TBL3: variants seen among roughly 807,000 people sequenced by gnomAD.
The protein encoded by TBL3 is transducin beta-like protein 3.
TBL3 carries 71 observed loss-of-function variants against 102.7 expected under a neutral mutation model. That is an observed-to-expected ratio of 0.69 (90% CI 0.57 to 0.84). The LOEUF is 0.84. TBL3 is among the 40% of genes least tolerant of loss of function. The probability of loss-of-function intolerance (pLI) is 0.00; values close to 1 mark genes in which losing one functional copy is unlikely to be tolerated. For synonymous variants in TBL3, 578 were observed against 477.7 expected (o/e 1.21, Z -2.74); for missense variants, 1,188 against 1,098.5 (o/e 1.08, Z -1.15).
rs2238411 is a variant in TBL3 at position 1,982,819 on chromosome 16, C to T, written c.*4134C>T. On this transcript the variant is annotated 3_prime_UTR_variant, in exon 22 of 22. Coordinates refer to ENST00000568546, the MANE Select transcript of TBL3 (RefSeq NM_006453.3). ...GTGTGCCTGTAGTCTACTTGGGAGGCTGAGGTGGGAGATCACTTGAGCCTA... is the reference window on the plus strand; with the variant it reads ...GTGTGCCTGTAGTCTACTTGGGAGGTTGAGGTGGGAGATCACTTGAGCCTA... The T allele has an allele frequency of 0.21, 31,847 of 151,644 alleles. 5,396 individuals are homozygous for T. The highest frequency in any genetic ancestry group is 0.46 in the African/African-American group (19,014 of 41,198). The allele number at this position is 151,644 out of a possible 1,614,324, so 9.4% of individuals were successfully genotyped here.
In TBL3 at chr16:1,976,194, C is replaced by T. The variant is rs2083400388; in HGVS notation, c.1189-17C>T. ...AGGCCCATGGACCAGCCTCTCTCCT[C>T]AACTCCCTGTCCCCAGGATCAGAGC... is the stretch of plus-strand genomic sequence containing the variant. On this transcript the variant is annotated splice_polypyrimidine_tract_variant and intron_variant, in intron 12 of 21. Transcript: ENST00000568546. 1.9e-6 allele frequency: 3 copies of T among 1,614,128 alleles called. No homozygotes were observed. Among genetic ancestry groups the T allele is most frequent in the Non-Finnish European group, 2.5e-6 (3 of 1,180,008 alleles).
chr16:1,980,785 G>A lies in TBL3; in HGVS notation c.*2100G>A, dbSNP rs943394437. 4.7e-5 allele frequency: 72 copies of A among 1,538,432 alleles called. No individual in the cohort carries two copies. Among genetic ancestry groups the A allele is most frequent in the Non-Finnish European group, 5.8e-5 (66 of 1,130,388 alleles). On this transcript the variant is annotated 3_prime_UTR_variant, in exon 22 of 22. Transcript: ENST00000568546. The stretch of plus-strand genomic sequence containing the variant: ...TCCAGAGCCCACTGTGCACCCTTGA[G>A]AGGGCGGGGTCCCTCACCCGGATGG...
rs2083365047 is a variant in TBL3, at chr16:1,972,091, G to A, written c.-74G>A. On this transcript the variant is annotated 5_prime_UTR_variant, in exon 1 of 22. The change creates a new upstream start codon in the 5' untranslated region. Coordinates refer to ENST00000568546, the MANE Select transcript of TBL3 (RefSeq NM_006453.3). ...AGTGTGGCGTTCTGTGAAGAGTTCG[G>A]TGCTAACCTCCCTCACGCGGCGGTG... The A allele has an allele frequency of 1.4e-6, 2 of 1,443,638 alleles. No individual in the cohort carries two copies. The highest frequency in any genetic ancestry group is 1.8e-4 in the Middle Eastern group (1 of 5,620). The allele number at this position is 1,443,638 out of a possible 1,614,324, so 89.4% of individuals were successfully genotyped here. A position where few individuals can be genotyped will look rare whatever the true frequency, so the allele number is the denominator to read the frequency against.
chr16:1,973,695 G>C (rs1461715711), intron 1 of TBL3, among the ~76,000 whole-genome samples: 1 of 152,152 alleles, frequency 6.6e-6, no homozygotes, highest in Admixed American at 6.5e-5. Context: ...GATGTGCTCT[G>C]GGCTGGCTAC....
chr16:1,976,676 G>A (rs2083404322), intron 13 of TBL3, 138 bp from the exon 14 acceptor site: 1 of 968,040 alleles, frequency 1.0e-6, no homozygotes, highest in Non-Finnish European at 1.5e-6. Context: ...AGGTGCCTGG[G>A]GGTGACCCAG....
Position 1,977,338 on chromosome 16 carries a change from C to T in TBL3, c.1672-18C>T, listed in dbSNP as rs2083411354. 1 of 1,613,514 alleles carries T rather than the reference C, an allele frequency of 6.2e-7. No homozygotes were observed. The highest frequency in any genetic ancestry group is 8.5e-7 in the Non-Finnish European group (1 of 1,179,988). ...TCCCGCCCTGGTGACATCTCATGCC[C>T]TACCCCCCACCTTGCAGACATTTGA... On this transcript the variant is annotated intron_variant, in intron 15 of 21. Coordinates refer to ENST00000568546, the MANE Select transcript of TBL3 (RefSeq NM_006453.3).
Position 1,975,043 on chromosome 16 carries a change from C to T in TBL3, c.580C>T (p.His194Tyr). The change falls in exon 7 of 22, where the codon CAC becomes TAC. Residue 194 changes from histidine (H) to tyrosine (Y), a missense_variant. By Grantham distance (83) the His-to-Tyr change is moderately conservative. Transcript: ENST00000568546. Reference sequence around the variant, plus strand: ...GTCATGCCTGGCTGTGCTGACTGCCCACTACAGCGCCGTCACCTCACTGGC... The same window carrying T: ...GTCATGCCTGGCTGTGCTGACTGCCTACTACAGCGCCGTCACCTCACTGGC... ...DRSCLAVLTAHYSAVTSLAFS... is the reference protein window; with the variant it reads ...DRSCLAVLTAYYSAVTSLAFS... 6.2e-7 allele frequency: 1 copy of T among 1,607,616 alleles called. No homozygotes were observed. The highest frequency in any genetic ancestry group is 8.5e-7 in the Non-Finnish European group (1 of 1,179,992).
In TBL3 at chr16:1,982,030, A is replaced by C. The variant is rs1426204143; in HGVS notation, c.*3345A>C. The C allele has an allele frequency of 6.6e-6, 1 of 152,024 alleles. No homozygotes were observed. The highest frequency in any genetic ancestry group is 1.5e-5 in the Non-Finnish European group (1 of 67,984). 9.4% of individuals were successfully genotyped at this position (152,024 alleles called of 1,614,324 possible). ...ACATGGCCTGGGCAGAGGCTCGCCC[A>C]GGTGCCCCACCTCTCTGGCTGCTTC... On this transcript the variant is annotated 3_prime_UTR_variant, in exon 22 of 22. Coordinates refer to ENST00000568546, the MANE Select transcript of TBL3 (RefSeq NM_006453.3).
chr16:1,980,092 C>T lies in TBL3; in HGVS notation c.*1407C>T. The T allele has an allele frequency of 1.2e-6, 2 of 1,607,318 alleles. No individual in the cohort carries two copies. Among genetic ancestry groups the T allele is most frequent in the Non-Finnish European group, 1.7e-6 (2 of 1,178,534 alleles). On this transcript the variant is annotated 3_prime_UTR_variant, in exon 22 of 22. Coordinates refer to ENST00000568546, the MANE Select transcript of TBL3 (RefSeq NM_006453.3). ...CTGGGTACAGAAGGGCTGCAGGCAG[C>T]GCAGGCTCTGAGCCTCCAGACTGTG...
In TBL3 at chr16:1,974,935, G is replaced by A. The variant is rs780361638; in HGVS notation, c.472G>A (p.Ala158Thr). 1.4e-5 allele frequency: 23 copies of A among 1,611,462 alleles called. No individual in the cohort carries two copies. Among genetic ancestry groups the A allele is most frequent in the South Asian group, 6.6e-5 (6 of 91,062 alleles). The change falls in exon 7 of 22, where the codon GCC becomes ACC. Residue 158 changes from alanine to threonine, a missense_variant. Coordinates refer to ENST00000568546, the MANE Select transcript of TBL3 (RefSeq NM_006453.3). ...RGSPGVVHLV[A>T]FHPDPTRLLL... ...TGTCCCGTCCGCCCACAGCCTAGTGGCCTTCCACCCGGACCCTACACGCCT... is the reference window on the plus strand; with the variant it reads ...TGTCCCGTCCGCCCACAGCCTAGTGACCTTCCACCCGGACCCTACACGCCT...
At chr16:1,977,715 C>A (rs770214333) in intron 17 of TBL3, 27 bp from the exon 18 acceptor site, 1 of 1,551,962 alleles carries the variant, frequency 6.4e-7, no homozygotes, top group Non-Finnish European at 8.7e-7. Flanking sequence ...GGAGTGGAGG[C>A]CCCATCTGAC....
At position 1,976,939 on chromosome 16, in the gene TBL3, C is replaced by G; in HGVS notation, c.1418C>G (p.Thr473Ser). 1 of 1,613,962 alleles carries G rather than the reference C, an allele frequency of 6.2e-7. No homozygotes were observed. Among genetic ancestry groups the G allele is most frequent in the East Asian group, 2.2e-5 (1 of 44,890 alleles). The change falls in exon 14 of 22, where the codon ACC becomes AGC. Residue 473 changes from threonine to serine, a missense_variant. By Grantham distance (58) the Thr-to-Ser change is moderately conservative (BLOSUM62 1). Transcript: ENST00000568546. ...GGCCCTATCCTCCTGCAGGCCCAGA[C>G]CACTCAGCGCTGCCATGATAAGGTG... ...DNGPILLQAQ[T>S]TQRCHDKDIN...
rs2083419028 is a variant in TBL3, at chr16:1,978,047, T to A, written c.2048T>A (p.Leu683Gln). ...TCCCTGGATCGGCCCCACACCGTGC[T>A]GACTGTCATCCAGGGTCAGTGCCCA... ...AISLDRPHTV[L>Q]TVIQAIRRDP... The change falls in exon 19 of 22, where the codon CTG (leucine) becomes CAG (glutamine). Residue 683 changes from leucine (L) to glutamine (Q), a missense_variant. Physicochemically the swap from Leu to Gln is moderately radical, Grantham distance 113. Coordinates refer to ENST00000568546, the MANE Select transcript of TBL3 (RefSeq NM_006453.3). The A allele has an allele frequency of 6.2e-7, 1 of 1,605,358 alleles. No homozygotes were observed. Among genetic ancestry groups the A allele is most frequent in the Non-Finnish European group, 8.5e-7 (1 of 1,175,558 alleles).
At position 1,980,442 on chromosome 16, in the gene TBL3, A is replaced by ACG. The variant is rs762424192; in HGVS notation, c.*1761_*1762dup. On this transcript the variant is annotated 3_prime_UTR_variant, in exon 22 of 22. Transcript: ENST00000568546. ...GCCAGTGATCGTCGGGCTCCGTGCC[A>ACG]CGCGCTCTGCAGTCGCCAGCAGCCT... 6 of 1,602,162 alleles carry ACG rather than the reference A, an allele frequency of 3.7e-6. No homozygotes were observed. Among genetic ancestry groups the ACG allele is most frequent in the Non-Finnish European group, 5.1e-6 (6 of 1,179,852 alleles).
chr16:1,972,054 C>T lies in TBL3; in HGVS notation c.-111C>T. 2.4e-6 allele frequency: 3 copies of T among 1,259,852 alleles called. No homozygotes were observed. Among genetic ancestry groups the T allele is most frequent in the Admixed American group, 4.0e-5 (1 of 24,818 alleles). 78.0% of individuals were successfully genotyped at this position (1,259,852 alleles called of 1,614,324 possible). On this transcript the variant is annotated 5_prime_UTR_variant, in exon 1 of 22. Transcript: ENST00000568546. Reference sequence around the variant, plus strand: ...GTGGTCGCGCGCGGTGACGCCATCGCAGCGCGCCGGGAGTGTGGCGTTCTG... The same window carrying T: ...GTGGTCGCGCGCGGTGACGCCATCGTAGCGCGCCGGGAGTGTGGCGTTCTG...
In TBL3 at chr16:1,974,386, A is replaced by G; in HGVS notation, c.200A>G (p.Glu67Gly). 1 of 1,610,638 alleles carries G rather than the reference A, an allele frequency of 6.2e-7. No individual in the cohort carries two copies. Among genetic ancestry groups the G allele is most frequent in the Non-Finnish European group, 8.5e-7 (1 of 1,178,174 alleles). ...CACTCTTTCTCCTAGGAGGACCAGG[A>G]GGACATCACTGCCTTTGACCTCAGC... ...VLRSLEQEDQ[E>G]DITAFDLSPD... The change falls in exon 4 of 22, where the codon GAG becomes GGG. Residue 67 changes from glutamate (E) to glycine (G), a missense_variant. By Grantham distance (98) the Glu-to-Gly change is moderately conservative. Coordinates refer to ENST00000568546, the MANE Select transcript of TBL3 (RefSeq NM_006453.3).
rs1372736202 is a variant in TBL3, at chr16:1,982,497, C to T, written c.*3812C>T. On this transcript the variant is annotated 3_prime_UTR_variant, in exon 22 of 22. Coordinates refer to ENST00000568546, the MANE Select transcript of TBL3 (RefSeq NM_006453.3). ...AGGGATTCTGAGGCCACCTGCCTAC[C>T]CCAGCTGACAGCTCCTGCCCCACAC... 2.0e-5 allele frequency: 3 copies of T among 152,212 alleles called. No individual in the cohort carries two copies. The highest frequency in any genetic ancestry group is 7.2e-5 in the African/African-American group (3 of 41,384). 9.4% of individuals were successfully genotyped at this position (152,212 alleles called of 1,614,324 possible).
intron 13 of TBL3, 55 bp downstream of exon 13, chr16:1,976,369 C>A: frequency 6.7e-6 from 10 of 1,493,786 alleles, no homozygotes; most frequent in Admixed American, 1.8e-5. Flanking sequence ...CCCAGGCCTG[C>A]CAGCAGGGCT....
Position 1,980,699 on chromosome 16 carries a change from C to T in TBL3, c.*2014C>T, listed in dbSNP as rs762383081. ...CGCGGTCAGATCTCCGCAGCAGGCCCGCCTCCACCGGGAAGGTCTCCTTGA... is the reference window on the plus strand; with the variant it reads ...CGCGGTCAGATCTCCGCAGCAGGCCTGCCTCCACCGGGAAGGTCTCCTTGA... On this transcript the variant is annotated 3_prime_UTR_variant, in exon 22 of 22. Transcript: ENST00000568546. The T allele has an allele frequency of 1.2e-6, 2 of 1,606,486 alleles. No homozygotes were observed. The highest frequency in any genetic ancestry group is 1.7e-5 in the Admixed American group (1 of 59,204).
Sources: gnomAD v4.1 joint callset for allele counts (sites outside exome capture counted in the v4.1 genomes callset) on GRCh38, gnomAD v4.1.1 for gene constraint, MANE v1.5 for transcripts, NCBI Gene and HGNC (gene_info 2026-07-23, HGNC 2026-07-21) for gene names.